KANK4: variants seen among roughly 807,000 people sequenced by gnomAD.
KANK4 encodes the protein KN motif and ankyrin repeat domain-containing protein 4.
KANK4 carries 50 observed loss-of-function variants against 80.8 expected under a neutral mutation model. The ratio of observed to expected loss-of-function variants is 0.62; its 90% CI spans 0.49 to 0.78. The LOEUF is 0.78. Among genes scored for constraint, KANK4 ranks in the 30% least tolerant of loss-of-function variants. The probability of loss-of-function intolerance (pLI) is 0.00; values close to 1 mark genes in which losing one functional copy is unlikely to be tolerated. For synonymous variants in KANK4, 465 were observed against 506.9 expected, an observed-to-expected ratio of 0.92 and a Z score of 1.11; for missense variants, 1,196 against 1,240.1, an observed-to-expected ratio of 0.96 and a Z score of 0.53.
intron 2 of KANK4, among the ~76,000 whole-genome samples, chr1:62,278,372 CCT>C (rs1672367003): frequency 8.2e-5 from 2 of 24,272 alleles, no homozygotes; most frequent in Admixed American, 1.0e-3. Context: ...TTCCTTCCTT[CCT>C]TCCTTTCTTT....
chr1:62,280,739 T>C (rs1672434089), intron 2 of KANK4, among the ~76,000 whole-genome samples: 1 of 152,206 alleles, frequency 6.6e-6, no homozygotes, highest in Non-Finnish European at 1.5e-5. Flanking sequence ...CAACTTTCCA[T>C]GCATTACGTA....
chr1:62,273,531 C>T lies in KANK4; in HGVS notation c.1573G>A (p.Gly525Ser), dbSNP rs1355738447. The T allele has an allele frequency of 6.2e-7, 1 of 1,613,280 alleles. No individual in the cohort carries two copies. Among genetic ancestry groups the T allele is most frequent in the Non-Finnish European group, 8.5e-7 (1 of 1,179,436 alleles). The change falls in exon 3 of 10, where the codon GGC (glycine) becomes AGC (serine). Residue 525 changes from glycine (G) to serine (S), a missense_variant. Transcript: ENST00000371153. ...GCTGGGGGAGTCTTTCTGTCGCTGC[C>T]CCACAGAAAGCCTCCTGCTCCCCTG... Reference protein sequence around the residue: ...GTRGAGGFLWGSDRKTPPAGR... With the variant: ...GTRGAGGFLWSSDRKTPPAGR...
Position 62,273,823 on chromosome 1 carries a change from C to A in KANK4, c.1281G>T (p.Ser427=). The A allele has an allele frequency of 6.2e-7, 1 of 1,614,162 alleles. No homozygotes were observed. Among genetic ancestry groups the A allele is most frequent in the South Asian group, 1.1e-5 (1 of 91,062 alleles). Residue 427 remains serine (S), a synonymous_variant, in exon 3 of 10, where the codon TCG becomes TCT. Transcript: ENST00000371153. ...GGTTGACTTCAATGCCCTTATCACA[C>A]GACTCCCTGGTCAAGAGTCCATGGA... The part of the protein sequence containing the change: ...DPVHGLLTRE[S]CDKGIEVNLL...
intron 4 of KANK4, among the ~76,000 whole-genome samples, chr1:62,270,931 C>T (rs1033015782): frequency 6.6e-6 from 1 of 152,156 alleles, no homozygotes; most frequent in African/African-American, 2.4e-5. Flanking sequence ...CGACCGAGCA[C>T]ACTGTTGGCA....
intron 5 of KANK4, among the ~76,000 whole-genome samples, chr1:62,267,796 C>T (rs1261733872): frequency 1.7e-5 from 2 of 116,312 alleles, no homozygotes; most frequent in Admixed American, 8.4e-5. Flanking sequence ...TGCAAGACTC[C>T]GTCTCAAAAA....
At chr1:62,269,743 A>T (rs1187056457) in intron 4 of KANK4, among the ~76,000 whole-genome samples, 1 of 152,184 alleles carries the variant, frequency 6.6e-6, no homozygotes, top group East Asian at 1.9e-4. Flanking sequence ...TGAACATGTA[A>T]ACAAATATTA....
At chr1:62,309,746 A>T (rs1381597611) in intron 1 of KANK4, among the ~76,000 whole-genome samples, 1 of 151,920 alleles carries the variant, frequency 6.6e-6, no homozygotes, top group African/African-American at 2.4e-5. Flanking sequence ...GGGGAATTTC[A>T]CTCTTCCACG....
At chr1:62,240,162 C>A (rs1437870946) in intron 9 of KANK4, among the ~76,000 whole-genome samples, 2 of 152,236 alleles carry the variant, frequency 1.3e-5, no homozygotes, top group African/African-American at 4.8e-5. Context: ...TTCTCCACAT[C>A]CTCTCCAGCA....
chr1:62,269,092 T>C (rs1445391343), intron 4 of KANK4, among the ~76,000 whole-genome samples: 1 of 152,254 alleles, frequency 6.6e-6, no homozygotes, highest in Non-Finnish European at 1.5e-5. Context: ...CTGTCTTTGC[T>C]GCAGCCTGTT....
At chr1:62,247,805 G>A in intron 8 of KANK4, 133 bp from the exon 9 acceptor site, 1 of 711,042 alleles carries the variant, frequency 1.4e-6, no homozygotes, top group East Asian at 2.7e-5. Flanking sequence ...CTTGATATGG[G>A]ACATAACCTT....
At chr1:62,268,554 C>A (rs777893405) in intron 4 of KANK4, 49 bp from the exon 5 acceptor site, 1 of 1,481,528 alleles carries the variant, frequency 6.7e-7, no homozygotes, top group Admixed American at 1.7e-5. Context: ...TGCCCAGTGC[C>A]CATGTCAACA....
At position 62,254,390 on chromosome 1, in the gene KANK4, C is replaced by T. The variant is rs189119032; in HGVS notation, c.2540-1181G>A. Among the ~76,000 whole-genome samples, 28 of 150,620 alleles carry T rather than the reference C, an allele frequency of 1.9e-4. No homozygotes were observed. In the South Asian group the frequency reaches 1.9e-3, roughly 10 times the overall value. The stretch of plus-strand genomic sequence containing the variant: ...GCCTCTCGAGTAGCCTGTAGGTGCC[C>T]GCCACCATGCCTGGCTAATTTTTGT... On this transcript the variant is annotated intron_variant, in intron 7 of 9. Transcript: ENST00000371153.
intron 8 of KANK4, among the ~76,000 whole-genome samples, chr1:62,249,536 A>T (rs1671559486): frequency 1.6e-5 from 2 of 124,990 alleles, no homozygotes; most frequent in African/African-American, 5.8e-5. Flanking sequence ...GTGCCACTAC[A>T]TCTGGCCAAT....
chr1:62,311,669 G>T (rs1051255623), intron 1 of KANK4, among the ~76,000 whole-genome samples: 1 of 152,116 alleles, frequency 6.6e-6, no homozygotes, highest in Admixed American at 6.5e-5. Flanking sequence ...ATCATTGCGC[G>T]CTAGGTGGTT....
chr1:62,258,213 T>C (rs537291492), intron 7 of KANK4, among the ~76,000 whole-genome samples: 1 of 152,356 alleles, frequency 6.6e-6, no homozygotes, highest in South Asian at 2.1e-4. Context: ...CCTGCATGGA[T>C]TGTACATGAC....
intron 7 of KANK4, among the ~76,000 whole-genome samples, chr1:62,261,645 C>T (rs889594586): frequency 1.3e-5 from 2 of 152,184 alleles, no homozygotes; most frequent in Middle Eastern, 6.8e-3. Context: ...GAGTTTCCTA[C>T]AAAAAAATCT....
intron 8 of KANK4, among the ~76,000 whole-genome samples, chr1:62,251,197 C>T (rs142107857): frequency 0.038 from 5,812 of 152,292 alleles, 134 homozygotes; most frequent in Non-Finnish European, 0.055. Context: ...CCACTCCATG[C>T]TTAGCTTTGT....
intron 1 of KANK4, among the ~76,000 whole-genome samples, chr1:62,300,437 C>T (rs1446397036): frequency 1.3e-5 from 2 of 152,006 alleles, no homozygotes; most frequent in Admixed American, 6.5e-5. Context: ...AAACAAGGAC[C>T]TATGTGGTGT....
rs559561422 is a variant in KANK4, at chr1:62,276,542, G to A, written c.17-1455C>T. ...TGTAATCCCAGCTCTTTGGGAGGCCGAGGCAGGTGGATCACTTGAGGTCAG... is the reference window on the plus strand; with the variant it reads ...TGTAATCCCAGCTCTTTGGGAGGCCAAGGCAGGTGGATCACTTGAGGTCAG... On this transcript the variant is annotated intron_variant, in intron 2 of 9. Transcript: ENST00000371153. Among the ~76,000 whole-genome samples the A allele has an allele frequency of 4.2e-4, 64 of 152,250 alleles. 1 individual carries two copies. In the East Asian group the frequency reaches 9.3e-3, roughly 22 times the overall value.
Sources: gnomAD v4.1 joint callset for allele counts (sites outside exome capture counted in the v4.1 genomes callset) on GRCh38, gnomAD v4.1.1 for gene constraint, MANE v1.5 for transcripts, NCBI Gene and HGNC (gene_info 2026-07-23, HGNC 2026-07-21) for gene names.